The following SRGAP2 variants were observed in gnomAD, a reference collection of about 807,000 sequenced individuals.
SRGAP2 encodes SLIT-ROBO Rho GTPase-activating protein 2.
In SRGAP2, 15 loss-of-function variants were observed where a neutral mutation model predicts 57.2. The observed-to-expected ratio is 0.26, with a 90% CI of 0.18 to 0.40. The LOEUF is 0.40. Ranked by LOEUF, SRGAP2 falls within the 10% of genes least tolerant of loss-of-function variation. The pLI, the probability that SRGAP2 is intolerant of heterozygous loss-of-function variation, is 1.00. For missense variants in SRGAP2, 520 were observed against 669.6 expected, an observed-to-expected ratio of 0.78 and a Z score of 2.47; for synonymous variants, 249 against 248.0, an observed-to-expected ratio of 1.00 and a Z score of -0.04.
At chr1:206,292,009 G>A (rs1454920850) in intron 2 of SRGAP2, among the ~76,000 whole-genome samples, 1 of 150,236 alleles carries the variant, frequency 6.7e-6, no homozygotes, top group Non-Finnish European at 1.5e-5. Context: ...AGAGGCAAAA[G>A]CGTACACTTC....
intron 17 of SRGAP2, among the ~76,000 whole-genome samples, chr1:206,443,578 T>C (rs1261714063): frequency 6.6e-6 from 1 of 152,140 alleles, no homozygotes; most frequent in African/African-American, 2.4e-5. Flanking sequence ...GGTTTCACCA[T>C]GTTGGCCAAG....
Position 206,461,154 on chromosome 1 carries a change from C to G in SRGAP2, c.2950C>G (p.Pro984Ala), listed in dbSNP as rs531883192. The G allele has an allele frequency of 1.3e-6, 1 of 780,710 alleles. No individual in the cohort carries two copies. Among genetic ancestry groups the G allele is most frequent in the Admixed American group, 1.7e-5 (1 of 59,024 alleles). 48.4% of individuals were successfully genotyped at this position (780,710 alleles called of 1,614,324 possible). ...LDTLEPLKTS[P>A]VVAPTSEPSS... is the part of the protein sequence containing the mutation. ...CACCTTGGAGCCCCTCAAAACCTCC[C>G]CAGTGGTGGCCCCCACGTCAGAGCC... is the stretch of plus-strand genomic sequence containing the variant. Residue 984 changes from proline to alanine, a missense_variant, in exon 23 of 23, where the codon CCA (proline) becomes GCA (alanine). Coordinates refer to ENST00000573034, the MANE Select transcript of SRGAP2 (RefSeq NM_015326.5).
Position 206,397,781 on chromosome 1 carries a change from C to CATGCATAGCTGGAGTGTTGTAA in SRGAP2, c.832-3639_832-3618dup, listed in dbSNP as rs1553354055. On this transcript the variant is annotated intron_variant, in intron 7 of 22. Coordinates refer to ENST00000573034, the MANE Select transcript of SRGAP2 (RefSeq NM_015326.5). ...TGAATGAAGAACAGGGCATTGTCCTCATGCATAGCTGGAGTGTTGTAAGTG... is the reference window on the plus strand; with the variant it reads ...TGAATGAAGAACAGGGCATTGTCCTCATGCATAGCTGGAGTGTTGTAAATGCATAGCTGGAGTGTTGTAAGTG... 2.2e-4 allele frequency among the ~76,000 whole-genome samples: 30 copies of CATGCATAGCTGGAGTGTTGTAA among 136,604 alleles called. No homozygotes were observed. The South Asian group carries it at 6.6e-3, about 30-fold the overall frequency. 89.6% of individuals were successfully genotyped at this position (136,604 alleles called of 152,430 possible).
intron 14 of SRGAP2, among the ~76,000 whole-genome samples, chr1:206,434,132 G>A (rs906336573): frequency 1.8e-4 from 27 of 152,122 alleles, no homozygotes; most frequent in Non-Finnish European, 3.8e-4. Context: ...CTGAATGCTG[G>A]GGATTTTCAC....
At chr1:206,410,528 C>G (rs1055054624) in intron 10 of SRGAP2, among the ~76,000 whole-genome samples, 2 of 152,144 alleles carry the variant, frequency 1.3e-5, no homozygotes, top group Non-Finnish European at 2.9e-5. Context: ...TCTTCTGTGT[C>G]CTTCCAGAGA....
At chr1:206,412,999 G>A (rs188574430) in intron 10 of SRGAP2, among the ~76,000 whole-genome samples, 6 of 152,170 alleles carry the variant, frequency 3.9e-5, no homozygotes, top group South Asian at 4.1e-4. Flanking sequence ...AATGAAACCC[G>A]AAGAGGTAAT....
chr1:206,359,797 T>C (rs562578034), intron 4 of SRGAP2, among the ~76,000 whole-genome samples: 57 of 112,528 alleles, frequency 5.1e-4, no homozygotes, highest in African/African-American at 2.1e-3. Context: ...GGGATATTGC[T>C]CTTTTTTTTT....
chr1:206,458,074 A>G (rs1663984228), intron 21 of SRGAP2, among the ~76,000 whole-genome samples: 1 of 152,194 alleles, frequency 6.6e-6, no homozygotes. Flanking sequence ...ACTGGGCCCC[A>G]ACTCTGCAGT....
chr1:206,426,916 G>T (rs1373350782), intron 13 of SRGAP2, among the ~76,000 whole-genome samples: 2 of 152,072 alleles, frequency 1.3e-5, no homozygotes, highest in Admixed American at 6.5e-5. Context: ...TCTTTAGGTT[G>T]TCTCTTCACT....
At chr1:206,444,680 T>C (rs528803703) in intron 17 of SRGAP2, among the ~76,000 whole-genome samples, 1 of 152,334 alleles carries the variant, frequency 6.6e-6, no homozygotes, top group Admixed American at 6.5e-5. Context: ...CAGTTTTAAT[T>C]TGACTAGGAA....
intron 13 of SRGAP2, among the ~76,000 whole-genome samples, chr1:206,425,184 T>A (rs1660688328): frequency 6.7e-6 from 1 of 148,412 alleles, no homozygotes; most frequent in African/African-American, 2.4e-5. Context: ...CCAACAAAAC[T>A]ATGCAAACGC....
At chr1:206,456,549 C>T (rs1393446862) in intron 21 of SRGAP2, among the ~76,000 whole-genome samples, 1 of 152,016 alleles carries the variant, frequency 6.6e-6, no homozygotes, top group Admixed American at 6.5e-5. Context: ...TTTAAGCCAT[C>T]ATATATTTGA....
intron 12 of SRGAP2, among the ~76,000 whole-genome samples, chr1:206,419,633 G>T (rs1553363602): frequency 6.6e-6 from 1 of 152,110 alleles, no homozygotes; most frequent in East Asian, 1.9e-4. Flanking sequence ...CTGAGTAAAA[G>T]GGGTTATCAT....
chr1:206,398,718 T>C (rs1401428814), intron 7 of SRGAP2, among the ~76,000 whole-genome samples: 4 of 152,108 alleles, frequency 2.6e-5, no homozygotes, highest in Non-Finnish European at 4.4e-5. Context: ...GTTGGGGTGA[T>C]ATGACATGGC....
chr1:206,340,543 A>G (rs1182715627), intron 3 of SRGAP2, among the ~76,000 whole-genome samples: 2 of 152,188 alleles, frequency 1.3e-5, no homozygotes, highest in Non-Finnish European at 2.9e-5. Context: ...CTTCTCCCTT[A>G]AGAAATAGAT....
At position 206,438,109 on chromosome 1, in the gene SRGAP2, T is replaced by C. The variant is rs782628918; in HGVS notation, c.1768+11T>C. 1.3e-6 allele frequency: 1 copy of C among 780,414 alleles called. No homozygotes were observed. Among genetic ancestry groups the C allele is most frequent in the Non-Finnish European group, 2.4e-6 (1 of 417,798 alleles). The allele number at this position is 780,414 out of a possible 1,614,324, so 48.3% of individuals were successfully genotyped here. ...TGATGGCCTGCGTCAGTAAGTACCATTCTGGCTTCAGATTGGCTTCTGGGC... is the reference window on the plus strand; with the variant it reads ...TGATGGCCTGCGTCAGTAAGTACCACTCTGGCTTCAGATTGGCTTCTGGGC... On this transcript the variant is annotated intron_variant, in intron 16 of 22. Transcript: ENST00000573034.
intron 2 of SRGAP2, among the ~76,000 whole-genome samples, chr1:206,267,305 A>G (rs1332981048): frequency 6.6e-6 from 1 of 152,138 alleles, no homozygotes; most frequent in Non-Finnish European, 1.5e-5. Context: ...CTCAAAATTT[A>G]GGACCTGCCA....
At chr1:206,217,857 C>T (rs1571591259) in intron 2 of SRGAP2, among the ~76,000 whole-genome samples, 2 of 144,636 alleles carry the variant, frequency 1.4e-5, no homozygotes, top group South Asian at 4.8e-4. Flanking sequence ...TAACTTGGTA[C>T]AATAAAGAAT....
chr1:206,357,516 G>GACTA (rs1210886017), intron 4 of SRGAP2, among the ~76,000 whole-genome samples: 2 of 150,626 alleles, frequency 1.3e-5, no homozygotes, highest in African/African-American at 4.9e-5. Flanking sequence ...TGATCATACA[G>GACTA]CAGTCTGTAG....
Sources: gnomAD v4.1 joint callset for allele counts (sites outside exome capture counted in the v4.1 genomes callset) on GRCh38, gnomAD v4.1.1 for gene constraint, MANE v1.5 for transcripts, NCBI Gene and HGNC (gene_info 2026-07-23, HGNC 2026-07-21) for gene names.